The following ZNF514 variants were observed in gnomAD, a reference collection of about 807,000 sequenced individuals.
ZNF514 encodes zinc finger protein 514.
In ZNF514, 12 loss-of-function variants were observed where a neutral mutation model predicts 9.7. That is an observed-to-expected ratio of 1.24 (90% CI 0.79 to 2.01). ZNF514 has a LOEUF of 2.01. ZNF514 is among the 30% of genes most tolerant of loss of function. The probability of loss-of-function intolerance (pLI) is 0.00; values close to 1 mark genes in which losing one functional copy is unlikely to be tolerated. For synonymous variants in ZNF514, 158 were observed against 163.7 expected, an observed-to-expected ratio of 0.97 and a Z score of 0.27; for missense variants, 467 against 465.5, an observed-to-expected ratio of 1.00 and a Z score of -0.03.
chr2:95,139,125 T>C, the ZNF514 span, among the ~76,000 whole-genome samples: 3 of 152,368 alleles, frequency 2.0e-5, no homozygotes, highest in East Asian at 5.8e-4. Context: ...TCAGCCTCCA[T>C]CTAGATTTCA....
At chr2:95,142,658 A>C (rs1573371081), downstream of ZNF514, among the ~76,000 whole-genome samples, 1 of 152,302 alleles carries the variant, frequency 6.6e-6, no homozygotes, top group African/African-American at 2.4e-5. Flanking sequence ...TTGAAATCCT[A>C]ACTCTAGTCA....
chr2:95,123,687 A>G, the ZNF514 span, among the ~76,000 whole-genome samples: 1 of 152,188 alleles, frequency 6.6e-6, no homozygotes, highest in African/African-American at 2.4e-5. Flanking sequence ...GTTCAGTTTC[A>G]TATGTACCAC....
Position 95,152,743 on chromosome 2 carries a change from T to C in ZNF514, c.148A>G (p.Ile50Val). The C allele has an allele frequency of 6.2e-7, 1 of 1,614,172 alleles. No individual in the cohort carries two copies. The highest frequency in any genetic ancestry group is 1.1e-5 in the South Asian group (1 of 91,084). The change falls in exon 4 of 5, where the codon ATC becomes GTC. Residue 50 changes from isoleucine (I) to valine (V), a missense_variant. Transcript: ENST00000295208. ...TCACCCCCTTCCTCCAACTGGCAGA[T>C]CACATATGGTTTGGATACTAGAAGG... ...LGLLVSKPYV[I>V]CQLEEGGEPF...
At chr2:95,157,862 GGGGA>G (rs1411861598) in intron 1 of ZNF514, among the ~76,000 whole-genome samples, 3 of 152,160 alleles carry the variant, frequency 2.0e-5, no homozygotes, top group South Asian at 2.1e-4. Flanking sequence ...GAGGCTTTAA[GGGGA>G]GGAAGTTACA....
chr2:95,140,404 G>A (rs1194711193), downstream of ZNF514, among the ~76,000 whole-genome samples: 1 of 152,106 alleles, frequency 6.6e-6, no homozygotes, highest in African/African-American at 2.4e-5. Flanking sequence ...CAGATCACTT[G>A]AGGTCAGGAG....
At chr2:95,127,765 C>T in the ZNF514 span, among the ~76,000 whole-genome samples, 7 of 152,064 alleles carry the variant, frequency 4.6e-5, no homozygotes, top group African/African-American at 9.7e-5. Context: ...CCTGCCACCA[C>T]GCCCGGCTAA....
rs1427721200 is a variant in ZNF514 at position 95,145,424 on chromosome 2, C to T, written c.*3858G>A. On this transcript the variant is annotated 3_prime_UTR_variant, in exon 5 of 5. Coordinates refer to ENST00000295208, the MANE Select transcript of ZNF514 (RefSeq NM_032788.3). ...CTGAGAGAAATCTAAGTATTTTATCCTAAAATAAATTTCTCTTAAGTCTGA... is the reference window on the plus strand; with the variant it reads ...CTGAGAGAAATCTAAGTATTTTATCTTAAAATAAATTTCTCTTAAGTCTGA... Among the ~76,000 whole-genome samples the T allele has an allele frequency of 5.3e-5, 8 of 152,130 alleles. No individual in the cohort carries two copies. Among genetic ancestry groups the T allele is most frequent in the Non-Finnish European group, 7.4e-5 (5 of 68,016 alleles).
At chr2:95,155,437 G>A (rs1250753212) in intron 2 of ZNF514, 2 of 152,258 alleles carry the variant, frequency 1.3e-5, no homozygotes, top group African/African-American at 4.8e-5. Flanking sequence ...CTTCTGCAAA[G>A]GAGTGTCTAC....
At chr2:95,155,355 T>C (rs944552650) in intron 2 of ZNF514, 1 of 150,030 alleles carries the variant, frequency 6.7e-6, no homozygotes, top group African/African-American at 2.5e-5. Flanking sequence ...AGACCAAGGG[T>C]CCTCACAGTG....
intron 2 of ZNF514, chr2:95,154,802 C>A (rs982990534): frequency 6.6e-6 from 1 of 152,196 alleles, no homozygotes; most frequent in African/African-American, 2.4e-5. Flanking sequence ...TGCGTGACAA[C>A]AGCTAATTAA....
At position 95,146,389 on chromosome 2, in the gene ZNF514, C is replaced by T. The variant is rs1262770583; in HGVS notation, c.*2893G>A. On this transcript the variant is annotated 3_prime_UTR_variant, in exon 5 of 5. Transcript: ENST00000295208. ...TTCATATCAGTTTTCAAGAGAACAC[C>T]TCTCCAAGGAAGGGAAATTTACACA... Among the ~76,000 whole-genome samples the T allele has an allele frequency of 6.6e-6, 1 of 152,098 alleles. No homozygotes were observed. The highest frequency in any genetic ancestry group is 1.9e-4 in the East Asian group (1 of 5,202).
intron 1 of ZNF514, 59 bp downstream of exon 1, chr2:95,159,181 C>T (rs933754053): frequency 1.3e-4 from 42 of 335,606 alleles, no homozygotes; most frequent in Non-Finnish European, 1.8e-4. Context: ...CCGGTGCGCC[C>T]AGCGCGGCGC....
rs1673593801 is a variant in ZNF514, at chr2:95,153,245, A to G, written c.9T>C (p.Phe3=). The change falls in exon 3 of 5, where the codon TTT becomes TTC. Residue 3 remains phenylalanine (F), a synonymous_variant. Transcript: ENST00000295208. MT[F]EDVAVEFSQW... is the part of the protein sequence containing the mutation. ...GGCTGAATTCCACAGCCACATCTTC[A>G]AATGTCATCAGGTCCTGAAACACAG... 1 of 1,613,754 alleles carries G rather than the reference A, an allele frequency of 6.2e-7. No individual in the cohort carries two copies. Among genetic ancestry groups the G allele is most frequent in the Admixed American group, 1.7e-5 (1 of 60,002 alleles).
At position 95,146,720 on chromosome 2, in the gene ZNF514, A is replaced by C. The variant is rs1558698210; in HGVS notation, c.*2562T>G. On this transcript the variant is annotated 3_prime_UTR_variant, in exon 5 of 5. Transcript: ENST00000295208. ...GTTAATATGGCAAGGATACATGAGA[A>C]GAGGAGACAGATTTTGGACGAAGAC... is the stretch of plus-strand genomic sequence containing the variant. Among the ~76,000 whole-genome samples the C allele has an allele frequency of 6.6e-6, 1 of 151,432 alleles. No individual in the cohort carries two copies. The highest frequency in any genetic ancestry group is 1.5e-5 in the Non-Finnish European group (1 of 67,852).
chr2:95,150,248 T>A lies in ZNF514; in HGVS notation c.237A>T (p.Lys79Asn), dbSNP rs1194696785. The stretch of plus-strand genomic sequence containing the variant: ...CCCAACTTGGCATTGATTCCTTGGA[T>A]TTAGACCTTCTCTTCCAGTCTGTTA... ...GAHSDWKRRS[K>N]SKESMPSWGI... Residue 79 changes from lysine to asparagine, a missense_variant, in exon 5 of 5, where the codon AAA becomes AAT. Coordinates refer to ENST00000295208, the MANE Select transcript of ZNF514 (RefSeq NM_032788.3). 1 of 1,582,390 alleles carries A rather than the reference T, an allele frequency of 6.3e-7. No homozygotes were observed. Among genetic ancestry groups the A allele is most frequent in the Non-Finnish European group, 8.5e-7 (1 of 1,170,248 alleles).
At chr2:95,159,182 A>T (rs1347728708) in intron 1 of ZNF514, 58 bp downstream of exon 1, 1 of 336,332 alleles carries the variant, frequency 3.0e-6, no homozygotes, top group Non-Finnish European at 4.8e-6. Flanking sequence ...CGGTGCGCCC[A>T]GCGCGGCGCA....
the ZNF514 span, among the ~76,000 whole-genome samples, chr2:95,132,795 G>A: frequency 6.6e-6 from 1 of 151,046 alleles, no homozygotes; most frequent in East Asian, 1.9e-4. Flanking sequence ...TTGAACCCAG[G>A]AGGCGGAGGT....
At chr2:95,131,885 G>A in the ZNF514 span, among the ~76,000 whole-genome samples, 1 of 152,160 alleles carries the variant, frequency 6.6e-6, no homozygotes, top group African/African-American at 2.4e-5. Context: ...GCTCACACCT[G>A]TAATCACAGC....
intron 4 of ZNF514, among the ~76,000 whole-genome samples, chr2:95,151,002 T>G (rs1400388316): frequency 6.6e-6 from 1 of 152,206 alleles, no homozygotes; most frequent in Non-Finnish European, 1.5e-5. Context: ...AAGTATTCTT[T>G]TAACACCTTA....
Sources: allele counts gnomAD v4.1 joint callset (sites outside exome capture counted in the v4.1 genomes callset), GRCh38; gene constraint gnomAD v4.1.1; transcripts MANE v1.5; gene names NCBI Gene and HGNC (gene_info 2026-07-23, HGNC 2026-07-21).